SORCS3: variants seen among roughly 807,000 people sequenced by gnomAD.
SORCS3 encodes the protein VPS10 domain-containing receptor SorCS3.
SORCS3 carries 57 observed loss-of-function variants against 146.3 expected under a neutral mutation model. That is an observed-to-expected ratio of 0.39 (90% CI 0.31 to 0.49). SORCS3 has a LOEUF of 0.49. Ranked by LOEUF, SORCS3 falls within the 20% of genes least tolerant of loss-of-function variation. The probability of loss-of-function intolerance (pLI) is 0.92; values close to 1 mark genes in which losing one functional copy is unlikely to be tolerated. For synonymous variants in SORCS3, 653 were observed against 618.5 expected (o/e 1.06, Z -0.83); for missense variants, 1,341 against 1,575.5 (o/e 0.85, Z 2.52).
At chr10:104,788,647 G>A (rs966245393) in intron 1 of SORCS3, among the ~76,000 whole-genome samples, 35 of 152,132 alleles carry the variant, frequency 2.3e-4, no homozygotes, top group Non-Finnish European at 4.4e-4. Context: ...TTATGTGTTT[G>A]TATTACTTTC....
intron 2 of SORCS3, among the ~76,000 whole-genome samples, chr10:104,843,117 T>G (rs761750822): frequency 4.0e-4 from 61 of 152,140 alleles, no homozygotes; most frequent in Non-Finnish European, 6.5e-4. Context: ...TCATTCTACT[T>G]GAAGAAGGTG....
intron 2 of SORCS3, among the ~76,000 whole-genome samples, chr10:104,893,003 A>G (rs1209252259): frequency 6.6e-6 from 1 of 152,104 alleles, no homozygotes; most frequent in Admixed American, 6.6e-5. Flanking sequence ...TCAATTTTTC[A>G]GGTTTAGCCT....
At chr10:104,906,292 A>G (rs2018904711) in intron 2 of SORCS3, among the ~76,000 whole-genome samples, 1 of 152,154 alleles carries the variant, frequency 6.6e-6, no homozygotes, top group Non-Finnish European at 1.5e-5. Flanking sequence ...AGTGTTGGCC[A>G]CCTGCTGGAG....
intron 4 of SORCS3, among the ~76,000 whole-genome samples, chr10:105,005,667 T>G (rs1255463505): frequency 6.6e-6 from 1 of 152,142 alleles, no homozygotes; most frequent in Non-Finnish European, 1.5e-5. Context: ...GTAACCTCTC[T>G]AAATAAAGAA....
chr10:104,746,519 G>A (rs898057652), intron 1 of SORCS3, among the ~76,000 whole-genome samples: 1 of 152,146 alleles, frequency 6.6e-6, no homozygotes, highest in Non-Finnish European at 1.5e-5. Flanking sequence ...TGTGGTAAAA[G>A]CATTTGAAAT....
chr10:104,788,009 C>T (rs902804665), intron 1 of SORCS3, among the ~76,000 whole-genome samples: 1 of 152,190 alleles, frequency 6.6e-6, no homozygotes, highest in Non-Finnish European at 1.5e-5. Context: ...GCTCCTGTGT[C>T]AGGAGAGATT....
chr10:105,244,698 A>G (rs992042773), intron 20 of SORCS3, among the ~76,000 whole-genome samples: 1 of 152,158 alleles, frequency 6.6e-6, no homozygotes, highest in African/African-American at 2.4e-5. Flanking sequence ...ATGCCTTGCA[A>G]TGGGAAACAC....
chr10:104,973,610 C>T (rs945007242), intron 3 of SORCS3, among the ~76,000 whole-genome samples: 63 of 150,122 alleles, frequency 4.2e-4, no homozygotes, highest in Admixed American at 8.6e-4. Flanking sequence ...GTCTTGCTAG[C>T]GGTCTATCAA....
intron 4 of SORCS3, among the ~76,000 whole-genome samples, chr10:105,022,590 T>C (rs1385599830): frequency 6.6e-6 from 1 of 152,146 alleles, no homozygotes; most frequent in East Asian, 1.9e-4. Context: ...AAAATATTAA[T>C]TTTTTAGAAG....
chr10:105,029,613 G>A (rs1056934164), intron 4 of SORCS3, among the ~76,000 whole-genome samples: 3 of 152,306 alleles, frequency 2.0e-5, no homozygotes, highest in Middle Eastern at 3.4e-3. Flanking sequence ...TGTCAAAGCC[G>A]TGGCTTCTCT....
chr10:105,032,761 C>T (rs2055277877), intron 4 of SORCS3, among the ~76,000 whole-genome samples: 1 of 152,076 alleles, frequency 6.6e-6, no homozygotes, highest in African/African-American at 2.4e-5. Context: ...GAAGGAAAAA[C>T]AAATCTGAAC....
chr10:105,255,234 T>C (rs2119761063), intron 23 of SORCS3, among the ~76,000 whole-genome samples: 1 of 146,844 alleles, frequency 6.8e-6, no homozygotes, highest in East Asian at 2.0e-4. Context: ...AATTCAAAAC[T>C]GTCCGCATGT....
At chr10:105,046,753 TG>T (rs1396704761) in intron 5 of SORCS3, among the ~76,000 whole-genome samples, 3 of 152,048 alleles carry the variant, frequency 2.0e-5, no homozygotes, top group Non-Finnish European at 4.4e-5. Context: ...TCTTACACCG[TG>T]GAGTGACTCA....
intron 16 of SORCS3, among the ~76,000 whole-genome samples, chr10:105,205,613 G>C (rs1564784527): frequency 1.3e-5 from 2 of 152,048 alleles, no homozygotes; most frequent in Admixed American, 6.6e-5. Context: ...TCTTGAGAGG[G>C]AGTAGCCCTC....
At chr10:104,877,002 C>A (rs1420588932) in intron 2 of SORCS3, among the ~76,000 whole-genome samples, 5 of 152,010 alleles carry the variant, frequency 3.3e-5, no homozygotes, top group South Asian at 2.1e-4. Flanking sequence ...CCATGCCTGG[C>A]TAAGATTTAT....
chr10:104,763,594 C>G (rs1341670298), intron 1 of SORCS3, among the ~76,000 whole-genome samples: 2 of 152,186 alleles, frequency 1.3e-5, no homozygotes, highest in African/African-American at 4.8e-5. Context: ...GATGGCCACT[C>G]TCCATCAGGG....
chr10:104,692,994 T>G (rs1462128056), intron 1 of SORCS3, among the ~76,000 whole-genome samples: 1 of 152,136 alleles, frequency 6.6e-6, no homozygotes, highest in Non-Finnish European at 1.5e-5. Flanking sequence ...TTGATGGGAG[T>G]CCGTTGGGGA....
chr10:104,907,235 G>T (rs576168980), intron 2 of SORCS3, among the ~76,000 whole-genome samples: 40 of 152,178 alleles, frequency 2.6e-4, no homozygotes, highest in Admixed American at 1.4e-3. Context: ...ATTATGGGCT[G>T]TCATACCTTC....
chr10:105,196,335 C>T (rs897603398), intron 14 of SORCS3, among the ~76,000 whole-genome samples: 6 of 152,146 alleles, frequency 3.9e-5, no homozygotes, highest in East Asian at 1.9e-4. Context: ...CAGGTGTGGT[C>T]GCTCACGCCT....
Sources: gnomAD v4.1 joint callset for allele counts (sites outside exome capture counted in the v4.1 genomes callset) on GRCh38, gnomAD v4.1.1 for gene constraint, MANE v1.5 for transcripts, NCBI Gene and HGNC (gene_info 2026-07-23, HGNC 2026-07-21) for gene names.